Variants in HDAC4 observed in about 807,000 individuals in gnomAD.
The protein encoded by HDAC4 is histone deacetylase A.
A neutral mutation model predicts 135.1 loss-of-function variants in HDAC4; 16 were observed. The ratio of observed to expected loss-of-function variants is 0.12; its 90% CI spans 0.08 to 0.18. The LOEUF (loss-of-function observed/expected upper bound fraction) is 0.18, where lower values mean the gene tolerates loss of function less well. Ranked by LOEUF, HDAC4 falls within the 10% of genes least tolerant of loss-of-function variation. The pLI, the probability that HDAC4 is intolerant of heterozygous loss-of-function variation, is 1.00. For synonymous variants in HDAC4, 685 were observed against 653.4 expected, an observed-to-expected ratio of 1.05 and a Z score of -0.74; for missense variants, 1,143 against 1,511.8, an observed-to-expected ratio of 0.76 and a Z score of 4.05.
intron 16 of HDAC4, among the ~76,000 whole-genome samples, chr2:239,095,984 G>A (rs1406832810): frequency 2.0e-5 from 3 of 152,122 alleles, no homozygotes; most frequent in Admixed American, 2.0e-4. Context: ...TCCAACGTGG[G>A]ACCCCACTTT....
rs538284446 is a variant in HDAC4 at position 239,334,111 on chromosome 2, G to A, written c.22+18567C>T. Among the ~76,000 whole-genome samples the A allele has an allele frequency of 1.3e-4, 20 of 152,236 alleles. No individual in the cohort carries two copies. In the East Asian group the frequency reaches 3.1e-3, roughly 23 times the overall value. ...ATGAGTATAATAATAAACACTGTGC[G>A]AGGTATCTGGAGACACGACAAATAT... On this transcript the variant is annotated intron_variant, in intron 2 of 26. Transcript: ENST00000543185.
intron 2 of HDAC4, among the ~76,000 whole-genome samples, chr2:239,292,415 T>A (rs983229696): frequency 6.6e-6 from 1 of 152,166 alleles, no homozygotes; most frequent in Non-Finnish European, 1.5e-5. Flanking sequence ...TGCACTGAGA[T>A]GGGCAGTGGA....
At position 239,105,008 on chromosome 2, in the gene HDAC4, C is replaced by T. The variant is rs138763288; in HGVS notation, c.2113-2112G>A. Among the ~76,000 whole-genome samples the T allele has an allele frequency of 2.1e-3, 327 of 152,336 alleles. 1 individual carries two copies. The highest frequency in any genetic ancestry group is 7.5e-3 in the African/African-American group (310 of 41,586). On this transcript the variant is annotated intron_variant, in intron 15 of 26. Coordinates refer to ENST00000543185, the MANE Select transcript of HDAC4 (RefSeq NM_001378414.1). ...AAGGGCTCGGGCTGTGCGTGCGGGA[C>T]ACCGCGATGGCTCAGGCTGTAGCGT...
rs150908408 is a variant in HDAC4, at chr2:239,134,363, G to A, written c.1176C>T (p.His392=). The A allele has an allele frequency of 1.9e-6, 3 of 1,613,932 alleles. No homozygotes were observed. Among genetic ancestry groups the A allele is most frequent in the East Asian group, 2.2e-5 (1 of 44,890 alleles). ...QQRLSLFPGT[H]LTPYLSTSPL... ...GCGAGGTGCTCAGGTAGGGAGTGAG[G>A]TGGGTGCCGGGGAAAAGGGAGAGCC... Residue 392 remains histidine (H), a synonymous_variant, in exon 11 of 27, where the codon CAC becomes CAT. Transcript: ENST00000543185.
chr2:239,310,366 G>A (rs76760627), intron 2 of HDAC4, among the ~76,000 whole-genome samples: 1 of 152,206 alleles, frequency 6.6e-6, no homozygotes, highest in African/African-American at 2.4e-5. Flanking sequence ...TGACAGCATT[G>A]GTGTTTAGCA....
intron 3 of HDAC4, among the ~76,000 whole-genome samples, chr2:239,228,271 G>C (rs1002224173): frequency 6.6e-6 from 1 of 152,186 alleles, no homozygotes; most frequent in Non-Finnish European, 1.5e-5. Flanking sequence ...TGGCCAAAGG[G>C]AGACAGGAAG....
intron 3 of HDAC4, among the ~76,000 whole-genome samples, chr2:239,198,364 G>C (rs1379252598): frequency 6.6e-6 from 1 of 152,166 alleles, no homozygotes; most frequent in Non-Finnish European, 1.5e-5. Flanking sequence ...TCAGTGCCCA[G>C]AGAACCTTCC....
rs542866839 is a variant in HDAC4, at chr2:239,113,677, T to C, written c.1791+1376A>G. On this transcript the variant is annotated intron_variant, in intron 13 of 26. Transcript: ENST00000543185. The stretch of plus-strand genomic sequence containing the variant: ...AATGTAAATAGTTTCCCATTTCTTA[T>C]CAGCCTAATAATAGCACACTGAATT... Among the ~76,000 whole-genome samples, 16 of 152,354 alleles carry C rather than the reference T, an allele frequency of 1.1e-4. No homozygotes were observed. The East Asian group carries it at 3.1e-3, about 29-fold the overall frequency.
At chr2:239,079,055 T>G (rs1004700030) in intron 22 of HDAC4, among the ~76,000 whole-genome samples, 1 of 152,130 alleles carries the variant, frequency 6.6e-6, no homozygotes, top group African/African-American at 2.4e-5. Flanking sequence ...GCCAGAGACT[T>G]TGCTTTCAGA....
intron 2 of HDAC4, among the ~76,000 whole-genome samples, chr2:239,347,633 G>A (rs1426159889): frequency 1.3e-5 from 2 of 152,098 alleles, no homozygotes; most frequent in Admixed American, 1.3e-4. Context: ...TCCTGCCTCA[G>A]CCTCCCGAGT....
intron 5 of HDAC4, among the ~76,000 whole-genome samples, chr2:239,174,058 C>T (rs1433228222): frequency 6.6e-6 from 1 of 152,138 alleles, no homozygotes; most frequent in Non-Finnish European, 1.5e-5. Flanking sequence ...AACAAAACCC[C>T]ACTAGTATCA....
At chr2:239,207,424 C>T (rs1206617713) in intron 3 of HDAC4, among the ~76,000 whole-genome samples, 1 of 152,102 alleles carries the variant, frequency 6.6e-6, no homozygotes, top group East Asian at 1.9e-4. Context: ...CACTCATATA[C>T]ACCAAAATAA....
chr2:239,337,709 C>T (rs938880834), intron 2 of HDAC4, among the ~76,000 whole-genome samples: 4 of 152,030 alleles, frequency 2.6e-5, no homozygotes, highest in South Asian at 2.1e-4. Context: ...CATACGGCGA[C>T]GGGGGAGACA....
intron 26 of HDAC4, 136 bp from the exon 27 acceptor site, chr2:239,053,272 C>A (rs1328034576): frequency 1.5e-6 from 2 of 1,351,884 alleles, no homozygotes; most frequent in African/African-American, 1.4e-5. Flanking sequence ...CCGGGTCCAT[C>A]TGTTCAGGAT....
At chr2:239,389,878 C>T (rs1559403821) in intron 1 of HDAC4, among the ~76,000 whole-genome samples, 1 of 152,212 alleles carries the variant, frequency 6.6e-6, no homozygotes, top group African/African-American at 2.4e-5. Context: ...GCGCTCTGCA[C>T]CCCGGTCACA....
At chr2:239,332,854 A>C (rs1252351364) in intron 2 of HDAC4, among the ~76,000 whole-genome samples, 1 of 152,072 alleles carries the variant, frequency 6.6e-6, no homozygotes, top group Non-Finnish European at 1.5e-5. Context: ...GAGAGAACAA[A>C]CAATATCAGG....
At chr2:239,207,359 G>T (rs1215068062) in intron 3 of HDAC4, among the ~76,000 whole-genome samples, 1 of 151,930 alleles carries the variant, frequency 6.6e-6, no homozygotes, top group Non-Finnish European at 1.5e-5. Context: ...CAAATCCAAA[G>T]AAAACAGATG....
chr2:239,099,411 T>C (rs923992038), intron 16 of HDAC4, among the ~76,000 whole-genome samples: 2 of 152,220 alleles, frequency 1.3e-5, no homozygotes, highest in Non-Finnish European at 2.9e-5. Flanking sequence ...GCCCCTGCTG[T>C]GGCAGCCCCG....
At position 239,352,928 on chromosome 2, in the gene HDAC4, CAGA is replaced by C. The variant is rs769299104; in HGVS notation, c.-219-13_-219-11del. On this transcript the variant is annotated splice_polypyrimidine_tract_variant and intron_variant, in intron 1 of 26. Coordinates refer to ENST00000543185, the MANE Select transcript of HDAC4 (RefSeq NM_001378414.1). This position sits in a 1 kb window ranked among gnomAD's most constrained non-coding sequence, Gnocchi z 4.4. ...GCTTCTGCAGATGAACCTGCAAGGT[CAGA>C]AGGAGAAAAGAGACTGGAGTTACAA... is the stretch of plus-strand genomic sequence containing the variant. 1.5e-4 allele frequency: 85 copies of C among 573,824 alleles called. No individual in the cohort carries two copies. The highest frequency in any genetic ancestry group is 2.5e-4 in the Non-Finnish European group (79 of 320,482). 35.5% of individuals were successfully genotyped at this position (573,824 alleles called of 1,614,324 possible).
Sources: allele counts gnomAD v4.1 joint callset (sites outside exome capture counted in the v4.1 genomes callset), GRCh38; gene constraint gnomAD v4.1.1; non-coding constraint Gnocchi (gnomAD v3.1); transcripts MANE v1.5; gene names NCBI Gene and HGNC (gene_info 2026-07-23, HGNC 2026-07-21).